Variants in CABLES1 observed in about 807,000 individuals in gnomAD.
CABLES1 encodes the protein Cdk5 and Abl enzyme substrate 1.
In CABLES1, 36 loss-of-function variants were observed where a neutral mutation model predicts 57.8. That is an observed-to-expected ratio of 0.62 (90% CI 0.48 to 0.82). The LOEUF (loss-of-function observed/expected upper bound fraction) is 0.82. CABLES1 is among the 40% of genes least tolerant of loss of function. CABLES1 has a pLI of 0.00. For missense variants in CABLES1, 767 were observed against 836.6 expected (o/e 0.92, Z 1.03); for synonymous variants, 374 against 363.0 (o/e 1.03, Z -0.35).
chr18:23,167,994 G>A (rs2047055641), intron 1 of CABLES1, among the ~76,000 whole-genome samples: 1 of 152,230 alleles, frequency 6.6e-6, no homozygotes, highest in African/African-American at 2.4e-5. Flanking sequence ...GATGCCAGCA[G>A]CTGTGTGGGC....
At chr18:23,208,585 A>G (rs988271740) in intron 3 of CABLES1, among the ~76,000 whole-genome samples, 2 of 152,178 alleles carry the variant, frequency 1.3e-5, no homozygotes, top group Non-Finnish European at 2.9e-5. Context: ...ATTGGCCTTC[A>G]TGCCTTCACC....
chr18:23,223,662 C>A (rs1267357311), intron 4 of CABLES1, among the ~76,000 whole-genome samples: 17 of 151,658 alleles, frequency 1.1e-4, no homozygotes, highest in African/African-American at 4.1e-4. Context: ...CTATCCTGTC[C>A]CTGGAGCCCC....
intron 4 of CABLES1, among the ~76,000 whole-genome samples, chr18:23,222,708 G>A (rs893332737): frequency 6.6e-6 from 1 of 152,120 alleles, no homozygotes; most frequent in African/African-American, 2.4e-5. Flanking sequence ...GGGTCCCTCA[G>A]CCTGGCACCT....
At chr18:23,156,248 G>A (rs775836320) in intron 1 of CABLES1, among the ~76,000 whole-genome samples, 22 of 152,154 alleles carry the variant, frequency 1.4e-4, no homozygotes, top group East Asian at 7.7e-4. Flanking sequence ...AAGGAACCTC[G>A]GAGGCCCTGG....
chr18:23,237,450 G>C (rs1401792677), intron 7 of CABLES1, among the ~76,000 whole-genome samples: 1 of 152,242 alleles, frequency 6.6e-6, no homozygotes, highest in Non-Finnish European at 1.5e-5. Flanking sequence ...CCACTTTCAA[G>C]GCTGGGCTGC....
rs1230359323 is a variant in CABLES1 at position 23,136,475 on chromosome 18, G to T, written c.713G>T (p.Gly238Val). Residue 238 changes from glycine to valine, a missense_variant, in exon 1 of 10, where the codon GGA (glycine) becomes GTA (valine). By Grantham distance (109) the Gly-to-Val change is moderately radical. Transcript: ENST00000256925. Reference protein sequence around the residue: ...GTPGSGSGSRGRLNSFTQGIL... With the variant: ...GTPGSGSGSRVRLNSFTQGIL... ...CCCGGGAGTGGGAGCGGCAGTCGGG[G>T]ACGCCTCAACTCGTTCACTCAGGGA... The T allele has an allele frequency of 6.2e-7, 1 of 1,604,140 alleles. No homozygotes were observed. The highest frequency in any genetic ancestry group is 8.5e-7 in the Non-Finnish European group (1 of 1,177,848).
At chr18:23,186,804 C>T (rs2047206259) in intron 1 of CABLES1, among the ~76,000 whole-genome samples, 1 of 152,230 alleles carries the variant, frequency 6.6e-6, no homozygotes, top group Admixed American at 6.5e-5. Flanking sequence ...CCTAGGCATT[C>T]TCCTGTGTAG....
chr18:23,184,699 T>G (rs550073148), intron 1 of CABLES1, among the ~76,000 whole-genome samples: 1 of 152,060 alleles, frequency 6.6e-6, no homozygotes, highest in Non-Finnish European at 1.5e-5. Flanking sequence ...CGAGACTCTG[T>G]CTCAGAAAAA....
chr18:23,192,964 G>A (rs1040191973), intron 2 of CABLES1, among the ~76,000 whole-genome samples: 18 of 152,114 alleles, frequency 1.2e-4, no homozygotes, highest in Non-Finnish European at 1.5e-5. Flanking sequence ...GGCTGAGGTG[G>A]GAGGATTTTG....
intron 1 of CABLES1, among the ~76,000 whole-genome samples, chr18:23,152,531 C>T (rs189396201): frequency 7.0e-6 from 1 of 142,896 alleles, no homozygotes; most frequent in East Asian, 2.1e-4. Context: ...ATTTCCCAGG[C>T]TAGAGTGCAG....
At chr18:23,238,093 C>T (rs1449617353) in intron 7 of CABLES1, among the ~76,000 whole-genome samples, 1 of 152,270 alleles carries the variant, frequency 6.6e-6, no homozygotes, top group Non-Finnish European at 1.5e-5. Flanking sequence ...CGAGCGCTTC[C>T]TCCTCTGGTT....
At chr18:23,220,300 C>T (rs900102145) in intron 4 of CABLES1, among the ~76,000 whole-genome samples, 1 of 152,204 alleles carries the variant, frequency 6.6e-6, no homozygotes, top group Non-Finnish European at 1.5e-5. Flanking sequence ...ATAGTGCTTA[C>T]AGTGTATGGC....
intron 1 of CABLES1, among the ~76,000 whole-genome samples, chr18:23,148,546 A>G (rs1009969615): frequency 2.6e-5 from 4 of 152,208 alleles, no homozygotes; most frequent in Non-Finnish European, 5.9e-5. Context: ...ACACATCTGC[A>G]TGCCAGGCAA....
intron 1 of CABLES1, among the ~76,000 whole-genome samples, chr18:23,138,980 G>A (rs1198305126): frequency 2.0e-5 from 3 of 152,150 alleles, no homozygotes; most frequent in Non-Finnish European, 4.4e-5. Context: ...AGTTTAACGA[G>A]ATCCTCAGGT....
chr18:23,209,107 A>G (rs960236823), intron 3 of CABLES1, among the ~76,000 whole-genome samples: 3 of 152,200 alleles, frequency 2.0e-5, no homozygotes, highest in African/African-American at 4.8e-5. Context: ...AAATTCCACA[A>G]ACAATTCATA....
At chr18:23,193,674 C>T (rs532957142) in intron 2 of CABLES1, among the ~76,000 whole-genome samples, 11 of 152,098 alleles carry the variant, frequency 7.2e-5, no homozygotes, top group Admixed American at 4.6e-4. Flanking sequence ...GCTTTTCTGT[C>T]GTTGTGATTG....
At chr18:23,249,912 G>A (rs546949247) in intron 7 of CABLES1, among the ~76,000 whole-genome samples, 1 of 152,354 alleles carries the variant, frequency 6.6e-6, no homozygotes, top group South Asian at 2.1e-4. Context: ...GCCACTCTGG[G>A]AGACCAGGAT....
At chr18:23,224,561 C>G (rs956706480) in intron 4 of CABLES1, among the ~76,000 whole-genome samples, 2 of 89,660 alleles carry the variant, frequency 2.2e-5, no homozygotes, top group Non-Finnish European at 4.2e-5. Flanking sequence ...AGTCACAGAG[C>G]TTTTTTTTTT....
intron 3 of CABLES1, 94 bp downstream of exon 3, chr18:23,194,634 G>A (rs1010932070): frequency 8.9e-6 from 7 of 782,780 alleles, no homozygotes; most frequent in Admixed American, 3.9e-5. Flanking sequence ...CTCAGCAAAC[G>A]CAAGCCCACA....
Sources: gnomAD v4.1 joint callset for allele counts (sites outside exome capture counted in the v4.1 genomes callset) on GRCh38, gnomAD v4.1.1 for gene constraint, MANE v1.5 for transcripts, NCBI Gene and HGNC (gene_info 2026-07-23, HGNC 2026-07-21) for gene names.